CA10: variants seen among roughly 807,000 people sequenced by gnomAD.
The protein encoded by CA10 is carbonic anhydrase-related protein 10.
Under a neutral mutation model 44.2 loss-of-function variants are expected in CA10, and 14 were observed. The observed-to-expected ratio is 0.32, with a 90% CI of 0.21 to 0.50. The LOEUF is 0.50. Ranked by LOEUF, CA10 falls within the 20% of genes least tolerant of loss-of-function variation. CA10 has a pLI of 0.99. For missense variants in CA10, 350 were observed against 409.7 expected (o/e 0.85, Z 1.26); for synonymous variants, 159 against 141.6 (o/e 1.12, Z -0.87).
At chr17:51,683,456 T>C (rs944944387) in intron 4 of CA10, among the ~76,000 whole-genome samples, 1 of 152,222 alleles carries the variant, frequency 6.6e-6, no homozygotes, top group African/African-American at 2.4e-5. Context: ...ATCCATTGTG[T>C]GGACCAAATG....
At chr17:51,768,938 G>GA (rs369314216) in intron 3 of CA10, among the ~76,000 whole-genome samples, 1 of 152,026 alleles carries the variant, frequency 6.6e-6, no homozygotes, top group African/African-American at 2.4e-5. Flanking sequence ...AGACTGAGAA[G>GA]AAAAAAACAC....
intron 3 of CA10, among the ~76,000 whole-genome samples, chr17:51,919,257 A>G (rs890117922): frequency 6.6e-6 from 1 of 152,208 alleles, no homozygotes; most frequent in Non-Finnish European, 1.5e-5. Flanking sequence ...TGAGGTTTAC[A>G]TAGAACAACT....
intron 2 of CA10, among the ~76,000 whole-genome samples, chr17:51,949,808 T>C (rs1472216411): frequency 6.6e-6 from 1 of 152,128 alleles, no homozygotes; most frequent in Admixed American, 6.5e-5. Flanking sequence ...CATTGGACTA[T>C]AGAGCTTTGT....
At chr17:51,980,378 G>C (rs1183224045) in intron 2 of CA10, among the ~76,000 whole-genome samples, 1 of 151,832 alleles carries the variant, frequency 6.6e-6, no homozygotes. Flanking sequence ...TAATGGGGTT[G>C]CTTTTCTTTT....
intron 1 of CA10, among the ~76,000 whole-genome samples, chr17:52,119,859 T>C (rs946312984): frequency 6.6e-6 from 1 of 152,178 alleles, no homozygotes; most frequent in African/African-American, 2.4e-5. Flanking sequence ...TTTTAATTTT[T>C]TTTCCCCCAC....
intron 3 of CA10, among the ~76,000 whole-genome samples, chr17:51,921,432 G>T (rs976331346): frequency 1.3e-5 from 2 of 152,102 alleles, no homozygotes; most frequent in Non-Finnish European, 2.9e-5. Context: ...GCACAGAAAA[G>T]GTACATTTAA....
intron 3 of CA10, among the ~76,000 whole-genome samples, chr17:51,860,201 G>C (rs1979240013): frequency 2.0e-5 from 3 of 152,122 alleles, no homozygotes; most frequent in Admixed American, 6.6e-5. Context: ...CACTCATGAA[G>C]CATTAATTTT....
At chr17:52,043,427 A>T (rs534507704) in intron 2 of CA10, among the ~76,000 whole-genome samples, 3 of 151,418 alleles carry the variant, frequency 2.0e-5, no homozygotes, top group African/African-American at 7.3e-5. Context: ...TATATACTGC[A>T]ACTTTACTAA....
intron 1 of CA10, among the ~76,000 whole-genome samples, chr17:52,149,006 G>C (rs1225020408): frequency 6.6e-6 from 1 of 152,118 alleles, no homozygotes; most frequent in Non-Finnish European, 1.5e-5. Context: ...ACCTTGTGTT[G>C]GAGGACAGGC....
At chr17:51,899,095 G>C (rs757335509) in intron 3 of CA10, among the ~76,000 whole-genome samples, 91 of 151,804 alleles carry the variant, frequency 6.0e-4, no homozygotes, top group Non-Finnish European at 9.0e-4. Context: ...TTTGGGGTTG[G>C]CTGGCTCTTG....
intron 3 of CA10, among the ~76,000 whole-genome samples, chr17:51,756,019 C>T (rs77369253): frequency 0.011 from 1,611 of 151,974 alleles, 34 homozygotes; most frequent in African/African-American, 0.037. Flanking sequence ...ATAGAAGAGC[C>T]GGCATTCTTG....
intron 3 of CA10, among the ~76,000 whole-genome samples, chr17:51,830,126 G>A (rs1459312739): frequency 2.0e-5 from 3 of 149,512 alleles, no homozygotes; most frequent in Non-Finnish European, 3.0e-5. Context: ...GAACCCGGGA[G>A]GCAGAGGTTG....
At chr17:52,037,347 A>T (rs987850768) in intron 2 of CA10, among the ~76,000 whole-genome samples, 2 of 152,102 alleles carry the variant, frequency 1.3e-5, no homozygotes, top group East Asian at 3.9e-4. Context: ...GCTAAGAGAG[A>T]ATAATTTTAA....
chr17:51,715,803 G>GC (rs1916092007), intron 4 of CA10, among the ~76,000 whole-genome samples: 1 of 151,984 alleles, frequency 6.6e-6, no homozygotes, highest in African/African-American at 2.4e-5. Flanking sequence ...CAATTCTCCT[G>GC]CCACAGCCTC....
At chr17:51,769,972 G>C (rs1905536053) in intron 3 of CA10, among the ~76,000 whole-genome samples, 1 of 152,146 alleles carries the variant, frequency 6.6e-6, no homozygotes, top group Non-Finnish European at 1.5e-5. Context: ...TTGCTACTCT[G>C]AGTCTTTTTT....
chr17:51,709,718 G>A (rs541649754), intron 4 of CA10, among the ~76,000 whole-genome samples: 1 of 152,348 alleles, frequency 6.6e-6, no homozygotes, highest in South Asian at 2.1e-4. Context: ...CAGAAAGAAG[G>A]TAGGTATGAC....
chr17:51,634,988 C>G (rs775196990), intron 7 of CA10, among the ~76,000 whole-genome samples: 3 of 152,134 alleles, frequency 2.0e-5, no homozygotes, highest in Non-Finnish European at 4.4e-5. Context: ...GATGCTGGCT[C>G]TTTAAACCCA....
At chr17:51,725,432 G>A (rs115622304) in intron 4 of CA10, among the ~76,000 whole-genome samples, 3,003 of 152,276 alleles carry the variant, frequency 0.02, 108 homozygotes, top group African/African-American at 0.068. Context: ...TTTCAGGGAG[G>A]GAAGTGTGTA....
chr17:51,970,295 T>A (rs943465327), intron 2 of CA10, among the ~76,000 whole-genome samples: 1 of 151,172 alleles, frequency 6.6e-6, no homozygotes, highest in African/African-American at 2.4e-5. Context: ...AAAATATATA[T>A]GAAAAACAAA....
Sources: allele counts gnomAD v4.1 joint callset (sites outside exome capture counted in the v4.1 genomes callset), GRCh38; gene constraint gnomAD v4.1.1; transcripts MANE v1.5; gene names NCBI Gene and HGNC (gene_info 2026-07-23, HGNC 2026-07-21).